LHFPL3: variants seen among roughly 807,000 people sequenced by gnomAD.
The protein encoded by LHFPL3 is LHFPL tetraspan subfamily member 3.
In LHFPL3, 5 loss-of-function variants were observed where a neutral mutation model predicts 19.3. That is an observed-to-expected ratio of 0.26 (90% confidence interval 0.14 to 0.54). The LOEUF is 0.54. LHFPL3 is among the 20% of genes least tolerant of loss of function. The pLI, the probability that LHFPL3 is intolerant of heterozygous loss-of-function variation, is 0.94. For missense variants in LHFPL3, 249 were observed against 307.4 expected (o/e 0.81, Z 1.42); for synonymous variants, 133 against 126.2 (o/e 1.05, Z -0.36).
chr7:104,760,839 C>T (rs555566029), intron 2 of LHFPL3, among the ~76,000 whole-genome samples: 9 of 151,940 alleles, frequency 5.9e-5, no homozygotes, highest in Non-Finnish European at 1.3e-4. Context: ...CCTTTCCATT[C>T]TTGCAAGGTA....
intron 2 of LHFPL3, among the ~76,000 whole-genome samples, chr7:104,740,064 GA>G (rs1218376753): frequency 5.3e-5 from 8 of 152,290 alleles, no homozygotes; most frequent in Middle Eastern, 6.8e-3. Flanking sequence ...ATTTTCATGA[GA>G]TCCGATGGTT....
intron 1 of LHFPL3, among the ~76,000 whole-genome samples, chr7:104,367,176 A>G (rs771553165): frequency 5.9e-5 from 9 of 152,206 alleles, no homozygotes; most frequent in Non-Finnish European, 1.3e-4. Flanking sequence ...GGTTCCAATG[A>G]TAAAACTAAA....
At chr7:104,850,073 T>C (rs1303962025) in intron 2 of LHFPL3, among the ~76,000 whole-genome samples, 1 of 152,230 alleles carries the variant, frequency 6.6e-6, no homozygotes, top group Admixed American at 6.5e-5. Flanking sequence ...GAGGCCAAGG[T>C]GGGCGGATCA....
At chr7:104,583,761 C>T (rs2115580426) in intron 1 of LHFPL3, among the ~76,000 whole-genome samples, 1 of 151,924 alleles carries the variant, frequency 6.6e-6, no homozygotes, top group Non-Finnish European at 1.5e-5. Flanking sequence ...CAATGAGATA[C>T]CATCTCACAC....
At chr7:104,703,469 G>T (rs900415110) in intron 1 of LHFPL3, among the ~76,000 whole-genome samples, 4 of 152,152 alleles carry the variant, frequency 2.6e-5, no homozygotes, top group Non-Finnish European at 4.4e-5. Context: ...AAGTTTTGTG[G>T]TTTATTATTC....
At chr7:104,516,375 A>C (rs184623666) in intron 1 of LHFPL3, among the ~76,000 whole-genome samples, 122 of 152,244 alleles carry the variant, frequency 8.0e-4, no homozygotes, top group Non-Finnish European at 1.1e-3. Context: ...TCAAGATGTG[A>C]TTTGGGTAGG....
chr7:104,379,234 A>G (rs1790774035), intron 1 of LHFPL3, among the ~76,000 whole-genome samples: 3 of 152,206 alleles, frequency 2.0e-5, no homozygotes, highest in Admixed American at 2.0e-4. Flanking sequence ...GATCCCTGGT[A>G]CCGTTTCAGG....
intron 1 of LHFPL3, among the ~76,000 whole-genome samples, chr7:104,680,231 TC>T (rs1017626497): frequency 5.9e-5 from 9 of 152,120 alleles, no homozygotes; most frequent in African/African-American, 2.2e-4. Flanking sequence ...TCAGCCTGCC[TC>T]CCCTCCTCAG....
At chr7:104,574,770 T>A (rs1790291914) in intron 1 of LHFPL3, among the ~76,000 whole-genome samples, 2 of 152,192 alleles carry the variant, frequency 1.3e-5, no homozygotes, top group Admixed American at 6.5e-5. Context: ...TATTTGAGAT[T>A]TTTCCCCAGT....
intron 2 of LHFPL3, among the ~76,000 whole-genome samples, chr7:104,760,708 G>A (rs182905026): frequency 5.3e-5 from 8 of 152,220 alleles, no homozygotes; most frequent in Non-Finnish European, 8.8e-5. Flanking sequence ...TTTAACCACC[G>A]ATGCTATGCT....
intron 1 of LHFPL3, among the ~76,000 whole-genome samples, chr7:104,695,494 T>C (rs890155925): frequency 3.3e-5 from 5 of 152,312 alleles, no homozygotes; most frequent in African/African-American, 1.2e-4. Flanking sequence ...TAAAAACAAG[T>C]AGCTGGTGAG....
intron 2 of LHFPL3, among the ~76,000 whole-genome samples, chr7:104,737,367 A>ACTAT (rs1793848455): frequency 6.6e-6 from 1 of 152,208 alleles, no homozygotes; most frequent in South Asian, 2.1e-4. Flanking sequence ...TGATAATTGA[A>ACTAT]TTCAGACCCA....
At chr7:104,602,508 T>C (rs1040653025) in intron 1 of LHFPL3, among the ~76,000 whole-genome samples, 2 of 152,242 alleles carry the variant, frequency 1.3e-5, no homozygotes, top group Non-Finnish European at 2.9e-5. Context: ...GTCCATGTCC[T>C]GTAACTTCTG....
At chr7:104,601,329 T>C (rs996865990) in intron 1 of LHFPL3, among the ~76,000 whole-genome samples, 2 of 152,160 alleles carry the variant, frequency 1.3e-5, no homozygotes, top group African/African-American at 4.8e-5. Flanking sequence ...TTTTTTAAGA[T>C]CCAAATTTAT....
chr7:104,671,411 G>A (rs112966421), intron 1 of LHFPL3, among the ~76,000 whole-genome samples: 3,048 of 151,702 alleles, frequency 0.02, 53 homozygotes, highest in Non-Finnish European at 0.029. Context: ...ATTGATTAAT[G>A]TCCCGCTCCT....
chr7:104,625,167 A>C (rs1284743277), intron 1 of LHFPL3, among the ~76,000 whole-genome samples: 1 of 152,230 alleles, frequency 6.6e-6, no homozygotes, highest in East Asian at 1.9e-4. Context: ...TTCAGTGCCC[A>C]CCTGGATAGT....
chr7:104,903,538 C>T (rs144485686), intron 2 of LHFPL3, among the ~76,000 whole-genome samples: 3 of 150,100 alleles, frequency 2.0e-5, no homozygotes, highest in Non-Finnish European at 3.0e-5. Context: ...GATCTCAGCT[C>T]ACTGCAACCT....
intron 1 of LHFPL3, among the ~76,000 whole-genome samples, chr7:104,451,986 T>G (rs1792448262): frequency 6.6e-6 from 1 of 152,176 alleles, no homozygotes; most frequent in Non-Finnish European, 1.5e-5. Context: ...CCTCAGGTGA[T>G]CTGCCTGCCT....
intron 2 of LHFPL3, among the ~76,000 whole-genome samples, chr7:104,770,983 A>G (rs974271421): frequency 2.6e-5 from 4 of 152,172 alleles, no homozygotes; most frequent in Non-Finnish European, 4.4e-5. Flanking sequence ...GCAAGCCCCT[A>G]GTCCAGTGCT....
Sources: gnomAD v4.1 joint callset for allele counts (sites outside exome capture counted in the v4.1 genomes callset) on GRCh38, gnomAD v4.1.1 for gene constraint, MANE v1.5 for transcripts, NCBI Gene and HGNC (gene_info 2026-07-23, HGNC 2026-07-21) for gene names.